The following NHSL3 variants were observed in gnomAD, a reference collection of about 807,000 sequenced individuals.
The protein encoded by NHSL3 is NHS like 3.
At chr1:32,751,909 C>G in the NHSL3 span, among the ~76,000 whole-genome samples, 2 of 152,170 alleles carry the variant, frequency 1.3e-5, no homozygotes, top group Non-Finnish European at 2.9e-5. Context: ...AGGAACCTGC[C>G]ACACTTCAGA....
the NHSL3 span, chr1:32,765,760 G>A: frequency 1.3e-6 from 2 of 1,547,442 alleles, no homozygotes; most frequent in Non-Finnish European, 1.7e-6. Context: ...CTCGAGTGGC[G>A]CCCGCAGTCA....
chr1:32,772,467 GT>G, the NHSL3 span: 1 of 1,508,060 alleles, frequency 6.6e-7, no homozygotes, highest in Non-Finnish European at 8.9e-7. Context: ...CTAGGGTGAG[GT>G]CCCATTGCTG....
the NHSL3 span, among the ~76,000 whole-genome samples, chr1:32,761,034 G>A: frequency 2.0e-5 from 3 of 152,116 alleles, no homozygotes; most frequent in African/African-American, 4.8e-5. Context: ...TGCTGGGGGC[G>A]TGGCCACCAG....
the NHSL3 span, among the ~76,000 whole-genome samples, chr1:32,751,981 T>G: frequency 6.6e-6 from 1 of 152,182 alleles, no homozygotes; most frequent in Non-Finnish European, 1.5e-5. Context: ...ATTTAGACTT[T>G]ATCCTTGGGT....
the NHSL3 span, chr1:32,772,486 GA>G: frequency 6.6e-7 from 1 of 1,505,486 alleles, no homozygotes; most frequent in South Asian, 1.4e-5. Flanking sequence ...CTGATGATGG[GA>G]AGTAGGAATC....
the NHSL3 span, chr1:32,754,170 G>A: frequency 2.8e-6 from 2 of 711,520 alleles, no homozygotes; most frequent in South Asian, 3.0e-5. Context: ...GGTCGGCGAA[G>A]CGGCCGGCAG....
the NHSL3 span, chr1:32,768,879 A>G: frequency 1.4e-6 from 2 of 1,386,514 alleles, no homozygotes; most frequent in South Asian, 1.4e-5. Context: ...CTCTGATTCA[A>G]TGAATTCGGG....
chr1:32,769,599 A>C, the NHSL3 span: 2 of 1,158,210 alleles, frequency 1.7e-6, no homozygotes, highest in Non-Finnish European at 2.5e-6. Context: ...AGCTCTTATT[A>C]CAAAAGTAGT....
At chr1:32,768,513 T>C in the NHSL3 span, 1 of 934,704 alleles carries the variant, frequency 1.1e-6, no homozygotes, top group Non-Finnish European at 1.6e-6. Context: ...GATAATCGCT[T>C]GAACTTGGGA....
chr1:32,758,343 C>T, the NHSL3 span, among the ~76,000 whole-genome samples: 1 of 152,066 alleles, frequency 6.6e-6, no homozygotes, highest in Non-Finnish European at 1.5e-5. Flanking sequence ...TCCCATTGTG[C>T]ACATGGGGAG....
chr1:32,764,317 G>T, the NHSL3 span, among the ~76,000 whole-genome samples: 1 of 135,300 alleles, frequency 7.4e-6, no homozygotes, highest in Non-Finnish European at 1.5e-5. Flanking sequence ...AATATTTTTT[G>T]AACTCAACTC....
chr1:32,774,426 GGA>G, the NHSL3 span: 1 of 152,266 alleles, frequency 6.6e-6, no homozygotes, highest in Non-Finnish European at 1.5e-5. Context: ...TGTGGGCAGT[GGA>G]GAGTGCTGCT....
chr1:32,772,169 G>A, the NHSL3 span: 11 of 1,613,246 alleles, frequency 6.8e-6, no homozygotes, highest in East Asian at 2.2e-5. Flanking sequence ...GACCTCCAGC[G>A]GAATCTGGTG....
the NHSL3 span, among the ~76,000 whole-genome samples, chr1:32,755,341 G>T: frequency 6.6e-6 from 1 of 152,220 alleles, no homozygotes; most frequent in Non-Finnish European, 1.5e-5. Context: ...GGGCCCTGCT[G>T]TGGTGGGAGA....
chr1:32,771,665 C>T, the NHSL3 span: 540 of 1,610,780 alleles, frequency 3.4e-4, 5 homozygotes, highest in African/African-American at 6.3e-3. Flanking sequence ...CAGATTCAGC[C>T]CCCGGGTAGC....
chr1:32,772,986 A>AATAG, the NHSL3 span: 1 of 1,190,300 alleles, frequency 8.4e-7, no homozygotes, highest in Non-Finnish European at 1.3e-6. Flanking sequence ...GACACAACCT[A>AATAG]ATAGAGAGGG....
chr1:32,747,235 G>C, the NHSL3 span, among the ~76,000 whole-genome samples: 1 of 151,702 alleles, frequency 6.6e-6, no homozygotes, highest in South Asian at 2.1e-4. Context: ...GCCCAGGCTG[G>C]CGTGCAGTGG....
the NHSL3 span, among the ~76,000 whole-genome samples, chr1:32,753,502 T>TA: frequency 6.6e-6 from 1 of 151,506 alleles, no homozygotes; most frequent in African/African-American, 2.4e-5. Flanking sequence ...AAAAAAATAA[T>TA]AAAAAAAGGA....
At chr1:32,743,525 C>T in the NHSL3 span, among the ~76,000 whole-genome samples, 1 of 152,170 alleles carries the variant, frequency 6.6e-6, no homozygotes, top group Non-Finnish European at 1.5e-5. Context: ...GGAGTCTGTC[C>T]CAGGGCTGCC....
Sources: allele counts gnomAD v4.1 joint callset (sites outside exome capture counted in the v4.1 genomes callset), GRCh38; gene constraint gnomAD v4.1.1; transcripts MANE v1.5; gene names NCBI Gene and HGNC (gene_info 2026-07-23, HGNC 2026-07-21).